C8G: variants seen among roughly 807,000 people sequenced by gnomAD.
The protein encoded by C8G is complement C8 gamma chain.
Under a neutral mutation model 29.1 loss-of-function variants are expected in C8G, and 38 were observed. The observed-to-expected ratio is 1.31, with a 90% CI of 1.01 to 1.71. The LOEUF (loss-of-function observed/expected upper bound fraction) is 1.71, where lower values mean the gene tolerates loss of function less well. C8G is among the 40% of genes most tolerant of loss of function. C8G has a pLI of 0.00. For synonymous variants in C8G, 158 were observed against 113.2 expected (o/e 1.40, Z -2.51); for missense variants, 300 against 267.4 (o/e 1.12, Z -0.85).
chr9:136,945,714 C>G lies in C8G; in HGVS notation c.219C>G (p.Thr73=), dbSNP rs532763877. The part of the protein sequence containing the change: ...LQEQGHRAEA[T]TLHVAPQGTA... The stretch of plus-strand genomic sequence containing the variant: ...AGCAGGGCCACCGGGCCGAGGCCAC[C>G]ACACTGCATGTGGCTCCCCAGGGCA... The change falls in exon 2 of 7, where the codon ACC becomes ACG. Residue 73 remains threonine (T), a synonymous_variant. Coordinates refer to ENST00000371634, the MANE Select transcript of C8G (RefSeq NM_000606.3). 4 of 1,587,428 alleles carry G rather than the reference C, an allele frequency of 2.5e-6. No homozygotes were observed. The African/African-American group carries it at 4.0e-5, about 16-fold the overall frequency.
In C8G at chr9:136,946,751, T is replaced by C. The variant is rs779539367; in HGVS notation, c.596-17T>C. ...AGGGGGGCCACTGCCACCGGCTGAG[T>C]CTCGTCTCTGCTGCAGAAGTGAGGA... On this transcript the variant is annotated splice_polypyrimidine_tract_variant and intron_variant, in intron 6 of 6. Coordinates refer to ENST00000371634, the MANE Select transcript of C8G (RefSeq NM_000606.3). 1.9e-6 allele frequency: 3 copies of C among 1,605,648 alleles called. No homozygotes were observed. Among genetic ancestry groups the C allele is most frequent in the African/African-American group, 2.7e-5 (2 of 74,768 alleles).
rs756357904 is a variant in C8G, at chr9:136,945,705, C to T, written c.210C>T (p.Ala70=). Residue 70 remains alanine (A), a synonymous_variant, in exon 2 of 7, where the codon GCC becomes GCT. Transcript: ENST00000371634. ...CRFLQEQGHR[A]EATTLHVAPQ... ...TCCTGCAGGAGCAGGGCCACCGGGC[C>T]GAGGCCACCACACTGCATGTGGCTC... 2.4e-5 allele frequency: 39 copies of T among 1,592,232 alleles called. No homozygotes were observed. The highest frequency in any genetic ancestry group is 4.5e-5 in the East Asian group (2 of 44,020).
At chr9:136,945,539 G>GA (rs1851006077) in intron 1 of C8G, 81 bp downstream of exon 1, 2 of 1,546,240 alleles carry the variant, frequency 1.3e-6, no homozygotes, top group African/African-American at 2.7e-5. Context: ...TGTTGCGGGG[G>GA]AGAGGGAAGC....
At chr9:136,945,522 TAGA>T (rs10602532) in intron 1 of C8G, 64 bp downstream of exon 1, 214,593 of 1,522,572 alleles carry the variant, frequency 0.14, 16,122 homozygotes, top group African/African-American at 0.19. Flanking sequence ...GGGAGACAGG[TAGA>T]AGTTGTTGCG....
intron 1 of C8G, 63 bp downstream of exon 1, chr9:136,945,521 G>A: frequency 2.0e-6 from 3 of 1,533,876 alleles, no homozygotes; most frequent in Non-Finnish European, 2.6e-6. Flanking sequence ...AGGGAGACAG[G>A]TAGAAGTTGT....
rs1851052289 is a variant in C8G at position 136,946,696 on chromosome 9, G to A, written c.595+7G>A. ...CAGTTCCACGTCCTGGACGGTGAGT[G>A]CACAGCGGGGCAAGCATGGCGGCGT... On this transcript the variant is annotated splice_region_variant and intron_variant, in intron 6 of 6. Transcript: ENST00000371634. 3 of 1,611,796 alleles carry A rather than the reference G, an allele frequency of 1.9e-6. No homozygotes were observed. Among genetic ancestry groups the A allele is most frequent in the East Asian group, 2.2e-5 (1 of 44,894 alleles).
Position 136,945,985 on chromosome 9 carries a change from G to A in C8G, c.332G>A (p.Arg111His), listed in dbSNP as rs754745094. The change falls in exon 3 of 7, where the codon CGC becomes CAC. Residue 111 changes from arginine to histidine, a missense_variant. Arg to His is a conservative substitution (Grantham distance 29, BLOSUM62 0). Transcript: ENST00000371634. ...QLYGDTGVLG[R>H]FLLQARDARG... ...TATGGAGACACAGGGGTCCTCGGCC[G>A]CTTCCTGCTTCAAGGTGAGGCAGGG... The A allele has an allele frequency of 2.9e-5, 46 of 1,580,236 alleles. 1 individual carries two copies. Among genetic ancestry groups the A allele is most frequent in the Middle Eastern group, 3.3e-4 (2 of 6,018 alleles).
Position 136,946,472 on chromosome 9 carries a change from G to A in C8G, c.462G>A (p.Ser154=), listed in dbSNP as rs1486354585. 8.1e-6 allele frequency: 13 copies of A among 1,605,006 alleles called. No homozygotes were observed. The highest frequency in any genetic ancestry group is 4.5e-5 in the East Asian group (2 of 44,794). Residue 154 remains serine, a synonymous_variant, in exon 5 of 7, where the codon TCG becomes TCA. Transcript: ENST00000371634. ...GQLSVKLYAR[S]LPVSDSVLSG... ...ACCCTGTCTGCCCTGCAGCCCGCTCGCTCCCTGTGAGCGACTCGGTCCTGA... is the reference window on the plus strand; with the variant it reads ...ACCCTGTCTGCCCTGCAGCCCGCTCACTCCCTGTGAGCGACTCGGTCCTGA...
Position 136,945,327 on chromosome 9 carries a change from C to T in C8G, c.7C>T (p.Pro3Ser). The change falls in exon 1 of 7, where the codon CCC becomes TCC. Residue 3 changes from proline to serine, a missense_variant. By Grantham distance (74) the Pro-to-Ser change is moderately conservative. Transcript: ENST00000371634. ...CCACCCTGCTGCCGCCACCATGCTG[C>T]CCCCTGGGACTGCGACCCTCTTGAC... is the stretch of plus-strand genomic sequence containing the variant. The part of the protein sequence containing the change: ML[P>S]PGTATLLTLL... 1.9e-6 allele frequency: 3 copies of T among 1,606,000 alleles called. No homozygotes were observed. Among genetic ancestry groups the T allele is most frequent in the African/African-American group, 1.3e-5 (1 of 74,912 alleles).
In C8G at chr9:136,946,211, CTG is replaced by C. The variant is rs1281853398; in HGVS notation, c.454+22_454+23del. On this transcript the variant is annotated intron_variant, in intron 4 of 6. Coordinates refer to ENST00000371634, the MANE Select transcript of C8G (RefSeq NM_000606.3). ...CTCTACGGTATGTGGGGGCCAGCCT[CTG>C]TGACCAGGCAGGCGCTCAAGCTCTG... The C allele has an allele frequency of 6.5e-7, 1 of 1,537,742 alleles. No homozygotes were observed. Among genetic ancestry groups the C allele is most frequent in the East Asian group, 2.3e-5 (1 of 44,342 alleles).
rs1248768490 is a variant in C8G at position 136,945,388 on chromosome 9, C to T, written c.68C>T (p.Pro23Leu). 1.2e-6 allele frequency: 2 copies of T among 1,612,258 alleles called. No individual in the cohort carries two copies. The highest frequency in any genetic ancestry group is 1.7e-6 in the Non-Finnish European group (2 of 1,179,688). ...GCAGCTGGCTCGCTGGGCCAGAAGC[C>T]TCAGAGGCCACGCCGGCCCGCATCC... ...LLAAGSLGQK[P>L]QRPRRPASPI... Residue 23 changes from proline (P) to leucine (L), a missense_variant, in exon 1 of 7, where the codon CCT becomes CTT. Pro to Leu is a moderately conservative substitution (Grantham distance 98, BLOSUM62 -3). Transcript: ENST00000371634.
chr9:136,945,467 T>TGG lies in C8G; in HGVS notation c.138+16_138+17dup, dbSNP rs374027600. On this transcript the variant is annotated intron_variant, in intron 1 of 6. Transcript: ENST00000371634. ...ATTTTGATGCTCAGCAGGTAGAAGTTGGGGGGGGTAGAGGGAGGCAGGTAG... is the reference window on the plus strand; with the variant it reads ...ATTTTGATGCTCAGCAGGTAGAAGTTGGGGGGGGGGTAGAGGGAGGCAGGTAG... 1.3e-6 allele frequency: 2 copies of TGG among 1,543,356 alleles called. No homozygotes were observed. The highest frequency in any genetic ancestry group is 2.8e-5 in the African/African-American group (2 of 71,350).
Position 136,945,562 on chromosome 9 carries a change from G to T in C8G, c.139-72G>T, listed in dbSNP as rs368024723. 8.9e-6 allele frequency: 14 copies of T among 1,565,428 alleles called. No homozygotes were observed. In the East Asian group the frequency reaches 1.6e-4, roughly 18 times the overall value. ...GGGAGAGGGAAGCAGGTGAAGTTGT[G>T]GGGGGTGTAGAGGGAAGCAGGTGAG... On this transcript the variant is annotated intron_variant, in intron 1 of 6. Coordinates refer to ENST00000371634, the MANE Select transcript of C8G (RefSeq NM_000606.3).
Position 136,946,490 on chromosome 9 carries a change from G to C in C8G, c.480G>C (p.Ser160=), listed in dbSNP as rs374795279. 6.6e-5 allele frequency: 106 copies of C among 1,611,692 alleles called. No homozygotes were observed. The highest frequency in any genetic ancestry group is 8.7e-5 in the Non-Finnish European group (103 of 1,179,316). ...LYARSLPVSD[S]VLSGFEQRVQ... is the part of the protein sequence containing the mutation. ...CCCGCTCGCTCCCTGTGAGCGACTC[G>C]GTCCTGAGTGGGTTTGAGCAGCGGG... The change falls in exon 5 of 7, where the codon TCG becomes TCC. Residue 160 remains serine, a synonymous_variant. Coordinates refer to ENST00000371634, the MANE Select transcript of C8G (RefSeq NM_000606.3).
At position 136,945,307 on chromosome 9, in the gene C8G, CTGCTGCCGCCACCA is replaced by C. The variant is rs769015477; in HGVS notation, c.-6_8del. On this transcript the variant is annotated start_lost and 5_prime_UTR_variant, in exon 1 of 7. Transcript: ENST00000371634. Reference sequence around the variant, plus strand: ...CTTGGCCTCCCACAGTCCTGCCACCCTGCTGCCGCCACCATGCTGCCCCCTGGGACTGCGACCCT... The same window carrying C: ...CTTGGCCTCCCACAGTCCTGCCACCCTGCTGCCCCCTGGGACTGCGACCCT... The C allele has an allele frequency of 5.0e-6, 8 of 1,592,938 alleles. No homozygotes were observed. The highest frequency in any genetic ancestry group is 6.9e-6 in the Non-Finnish European group (8 of 1,167,396).
rs1335361975 is a variant in C8G at position 136,946,700 on chromosome 9, A to G, written c.595+11A>G. The G allele has an allele frequency of 1.2e-6, 2 of 1,611,850 alleles. No individual in the cohort carries two copies. The highest frequency in any genetic ancestry group is 1.7e-6 in the Non-Finnish European group (2 of 1,179,966). On this transcript the variant is annotated intron_variant, in intron 6 of 6. Transcript: ENST00000371634. ...TCCACGTCCTGGACGGTGAGTGCAC[A>G]GCGGGGCAAGCATGGCGGCGTGGTG...
In C8G at chr9:136,946,666, C is replaced by T; in HGVS notation, c.572C>T (p.Ala191Val). The change falls in exon 6 of 7, where the codon GCA becomes GTA. Residue 191 changes from alanine to valine, a missense_variant. Transcript: ENST00000371634. The part of the protein sequence containing the change: ...YFPKYGFCEA[A>V]DQFHVLDEVR... ...GGGCCCCCAGGCTTCTGCGAGGCTG[C>T]AGACCAGTTCCACGTCCTGGACGGT... 6.2e-7 allele frequency: 1 copy of T among 1,612,940 alleles called. No individual in the cohort carries two copies. Among genetic ancestry groups the T allele is most frequent in the Non-Finnish European group, 8.5e-7 (1 of 1,179,958 alleles).
rs751173089 is a variant in C8G at position 136,945,451 on chromosome 9, C to T, written c.131C>T (p.Ala44Val). 1.9e-5 allele frequency: 30 copies of T among 1,574,184 alleles called. No individual in the cohort carries two copies. Among genetic ancestry groups the T allele is most frequent in the East Asian group, 9.3e-5 (4 of 42,858 alleles). ...STIQPKANFD[A>V]QQFAGTWLLV... ...ATCCAGCCCAAGGCCAATTTTGATG[C>T]TCAGCAGGTAGAAGTTGGGGGGGGT... Residue 44 changes from alanine to valine, a missense_variant, in exon 1 of 7, where the codon GCT (alanine) becomes GTT (valine). Coordinates refer to ENST00000371634, the MANE Select transcript of C8G (RefSeq NM_000606.3).
rs1358124330 is a variant in C8G, at chr9:136,945,434, C to T, written c.114C>T (p.Pro38=). The part of the protein sequence containing the change: ...RPASPISTIQ[P]KANFDAQQFA... ...CATCCCCCATCAGCACCATCCAGCC[C>T]AAGGCCAATTTTGATGCTCAGCAGG... The change falls in exon 1 of 7, where the codon CCC becomes CCT. Residue 38 remains proline (P), a synonymous_variant. Transcript: ENST00000371634. 5 of 1,585,414 alleles carry T rather than the reference C, an allele frequency of 3.2e-6. No individual in the cohort carries two copies. The African/African-American group carries it at 5.4e-5, about 17-fold the overall frequency.
Sources: gnomAD v4.1 joint callset for allele counts on GRCh38, gnomAD v4.1.1 for gene constraint, MANE v1.5 for transcripts, NCBI Gene and HGNC (gene_info 2026-07-23, HGNC 2026-07-21) for gene names.